TMLHE: variants seen among roughly 807,000 people sequenced by gnomAD.
TMLHE encodes trimethyllysine hydroxylase, epsilon.
In TMLHE, 18 loss-of-function variants were observed where a neutral mutation model predicts 25.7. That is an observed-to-expected ratio of 0.70 (90% confidence interval 0.48 to 1.04). The LOEUF is 1.04. TMLHE is among the 50% of genes least tolerant of loss of function. TMLHE has a pLI of 0.00. For missense variants in TMLHE, 236 were observed against 259.0 expected, an observed-to-expected ratio of 0.91 and a Z score of 0.61; for synonymous variants, 105 against 97.0, an observed-to-expected ratio of 1.08 and a Z score of -0.49.
At chrX:155,603,029 T>C (rs1557347483) in intron 1 of TMLHE, among the ~76,000 whole-genome samples, 2 of 112,115 alleles carry the variant, frequency 1.8e-5, no homozygotes, top group African/African-American at 6.5e-5. Flanking sequence ...GTGCAATCGC[T>C]ACCAAAATCA....
At chrX:155,573,673 G>A (rs1557343477) in intron 1 of TMLHE, among the ~76,000 whole-genome samples, 1 of 55,150 alleles carries the variant, frequency 1.8e-5, no homozygotes, top group African/African-American at 4.3e-5. Context: ...ATGAGTTCAC[G>A]TCCTTTGTAG....
chrX:155,580,599 A>G lies in TMLHE; in HGVS notation c.-2+32193T>C, dbSNP rs192733333. Among the ~76,000 whole-genome samples, 79 of 112,191 alleles carry G rather than the reference A, an allele frequency of 7.0e-4. No individual in the cohort carries two copies. The East Asian group carries it at 0.021, about 29-fold the overall frequency. On this transcript the variant is annotated intron_variant, in intron 1 of 7. Coordinates refer to ENST00000334398, the MANE Select transcript of TMLHE (RefSeq NM_018196.4). ...ATAAAGACATACCTGAGACTCAACA[A>G]TTTACAAAAGAAATAGGTTTAATGG...
intron 2 of TMLHE, among the ~76,000 whole-genome samples, chrX:155,537,749 C>T (rs1362134905): frequency 9.0e-6 from 1 of 111,217 alleles, no homozygotes; most frequent in East Asian, 2.8e-4. Flanking sequence ...CTGTGCCATA[C>T]TTCTCTGACA....
At position 155,581,487 on chromosome X, in the gene TMLHE, A is replaced by C. The variant is rs1355582762; in HGVS notation, c.-2+31305T>G. ...AACTTCAGCAAAGTCTCAGGATACA[A>C]AATCAATGTGCAAAAATCACAAACA... is the stretch of plus-strand genomic sequence containing the variant. On this transcript the variant is annotated intron_variant, in intron 1 of 7. Coordinates refer to ENST00000334398, the MANE Select transcript of TMLHE (RefSeq NM_018196.4). Among the ~76,000 whole-genome samples, 33 of 111,876 alleles carry C rather than the reference A, an allele frequency of 2.9e-4. 1 individual carries two copies. Among genetic ancestry groups the C allele is most frequent in the Non-Finnish European group, 3.8e-5 (2 of 53,144 alleles).
chrX:155,549,486 T>C (rs1246919191), intron 1 of TMLHE, among the ~76,000 whole-genome samples: 1 of 110,993 alleles, frequency 9.0e-6, no homozygotes, highest in Non-Finnish European at 1.9e-5. Flanking sequence ...TATTATTTTA[T>C]GGCTTGTTGC....
chrX:155,603,781 CAG>C lies in TMLHE; in HGVS notation c.-2+9009_-2+9010del, dbSNP rs782301280. ...ATACACAAAATAACACAGAATGAAT[CAG>C]AGTCATAAACGAAAGACGTAAAAGT... On this transcript the variant is annotated intron_variant, in intron 1 of 7. Coordinates refer to ENST00000334398, the MANE Select transcript of TMLHE (RefSeq NM_018196.4). Among the ~76,000 whole-genome samples, 168 of 111,964 alleles carry C rather than the reference CAG, an allele frequency of 1.5e-3. 1 individual carries two copies. Among genetic ancestry groups the C allele is most frequent in the African/African-American group, 5.3e-3 (162 of 30,815 alleles).
intron 1 of TMLHE, among the ~76,000 whole-genome samples, chrX:155,611,820 T>C (rs2124511004): frequency 8.9e-6 from 1 of 112,211 alleles, no homozygotes; most frequent in African/African-American, 3.2e-5. Flanking sequence ...ATAATGTTTA[T>C]AGTCCTTCTT....
intron 2 of TMLHE, among the ~76,000 whole-genome samples, chrX:155,525,364 T>C (rs974759359): frequency 4.5e-5 from 5 of 112,188 alleles, no homozygotes; most frequent in Admixed American, 9.4e-5. Flanking sequence ...ACCATGATTG[T>C]AAGTTTCCTG....
intron 1 of TMLHE, among the ~76,000 whole-genome samples, chrX:155,575,133 A>T (rs1374969637): frequency 1.8e-5 from 2 of 111,850 alleles, no homozygotes; most frequent in Non-Finnish European, 3.8e-5. Flanking sequence ...TGAGGGAAAG[A>T]TATGTTCCAG....
At chrX:155,577,346 G>T (rs782578632) in intron 1 of TMLHE, among the ~76,000 whole-genome samples, 2 of 111,524 alleles carry the variant, frequency 1.8e-5, no homozygotes, top group South Asian at 7.6e-4. Flanking sequence ...GGGAGGCCAA[G>T]GCGGGTGGAT....
chrX:155,512,367 G>A (rs1557333808), intron 4 of TMLHE, among the ~76,000 whole-genome samples: 1 of 91,269 alleles, frequency 1.1e-5, no homozygotes, highest in Non-Finnish European at 2.1e-5. Context: ...CCCTTCCTGT[G>A]TCCATGTGTT....
chrX:155,593,085 T>C (rs5983742), intron 1 of TMLHE, among the ~76,000 whole-genome samples: 149 of 111,402 alleles, frequency 1.3e-3, no homozygotes, highest in African/African-American at 4.7e-3. Context: ...GCATTTCTAC[T>C]GAGCATAGAA....
rs1366761646 is a variant in TMLHE, at chrX:155,572,054, T to G, written c.-1-26777A>C. Among the ~76,000 whole-genome samples the G allele has an allele frequency of 3.7e-5, 2 of 53,342 alleles. 1 individual carries two copies. Among genetic ancestry groups the G allele is most frequent in the Non-Finnish European group, 9.6e-5 (2 of 20,810 alleles). 46.3% of individuals were successfully genotyped at this position (53,342 alleles called of 115,157 possible). A position where few individuals can be genotyped will look rare whatever the true frequency, so the allele number is the denominator to read the frequency against. On this transcript the variant is annotated intron_variant, in intron 1 of 7. Coordinates refer to ENST00000334398, the MANE Select transcript of TMLHE (RefSeq NM_018196.4). Reference sequence around the variant, plus strand: ...AAGAGGAAGTCAAATTGTCCCTGTTTGCAGACGACATGATCATATATCTAG... The same window carrying G: ...AAGAGGAAGTCAAATTGTCCCTGTTGGCAGACGACATGATCATATATCTAG...
intron 1 of TMLHE, among the ~76,000 whole-genome samples, chrX:155,587,683 T>C (rs1444212277): frequency 8.9e-6 from 1 of 112,008 alleles, no homozygotes; most frequent in African/African-American, 3.2e-5. Flanking sequence ...AAAGTCAACA[T>C]ACAAAAATCA....
chrX:155,597,140 G>C (rs1369659582), intron 1 of TMLHE, among the ~76,000 whole-genome samples: 3 of 102,556 alleles, frequency 2.9e-5, no homozygotes, highest in African/African-American at 1.1e-4. Flanking sequence ...TTGGTTTTTT[G>C]TCCTTGCGAT....
rs1324576840 is a variant in TMLHE at position 155,573,741 on chromosome X, C to A, written c.-1-28464G>T. ...AGTAAACTATCACAAGAACAAAAAA[C>A]CAAACACTGCATATTCTCACTCATA... On this transcript the variant is annotated intron_variant, in intron 1 of 7. Transcript: ENST00000334398. 4.1e-5 allele frequency among the ~76,000 whole-genome samples: 2 copies of A among 48,662 alleles called. 1 individual carries two copies. The highest frequency in any genetic ancestry group is 1.0e-4 in the Non-Finnish European group (2 of 19,770). 42.3% of individuals were successfully genotyped at this position (48,662 alleles called of 115,157 possible).
intron 3 of TMLHE, among the ~76,000 whole-genome samples, chrX:155,523,974 T>C (rs894762196): frequency 4.4e-5 from 5 of 112,520 alleles, no homozygotes; most frequent in African/African-American, 3.2e-5. Flanking sequence ...AGAAATATGA[T>C]TGATTTTTGT....
chrX:155,590,804 A>G (rs1459540743), intron 1 of TMLHE, among the ~76,000 whole-genome samples: 6 of 111,934 alleles, frequency 5.4e-5, no homozygotes, highest in African/African-American at 1.9e-4. Flanking sequence ...AAGACAGGGT[A>G]TATGTAGATG....
intron 3 of TMLHE, among the ~76,000 whole-genome samples, chrX:155,518,553 C>T (rs6642221): frequency 4.9e-4 from 49 of 99,883 alleles, no homozygotes; most frequent in African/African-American, 1.6e-3. Flanking sequence ...TTAGGGAGGA[C>T]TCCCTCTTTT....
Sources: allele counts gnomAD v4.1 joint callset (sites outside exome capture counted in the v4.1 genomes callset), GRCh38; gene constraint gnomAD v4.1.1; transcripts MANE v1.5; gene names NCBI Gene and HGNC (gene_info 2026-07-23, HGNC 2026-07-21).